Variants in RBFOX1 observed in about 807,000 individuals in gnomAD.
RBFOX1 encodes RNA binding fox-1 homolog 1.
A neutral mutation model predicts 57.7 loss-of-function variants in RBFOX1; 8 were observed. The observed-to-expected ratio is 0.14, with a 90% confidence interval of 0.08 to 0.25. RBFOX1 has a LOEUF of 0.25. Among genes scored for constraint, RBFOX1 ranks in the 10% least tolerant of loss-of-function variants. RBFOX1 has a pLI of 1.00. For synonymous variants in RBFOX1, 326 were observed against 222.4 expected (o/e 1.47, Z -4.15); for missense variants, 611 against 548.5 (o/e 1.11, Z -1.14).
chr16:7,429,925 C>G (rs985828016), intron 4 of RBFOX1, among the ~76,000 whole-genome samples: 1 of 152,138 alleles, frequency 6.6e-6, no homozygotes, highest in Non-Finnish European at 1.5e-5. Flanking sequence ...AAAATCTCTG[C>G]CTTTGTGGGA....
chr16:5,584,608 C>T (rs996994715), intron 2 of RBFOX1, among the ~76,000 whole-genome samples: 1 of 152,188 alleles, frequency 6.6e-6, no homozygotes, highest in Non-Finnish European at 1.5e-5. Flanking sequence ...GCAGCACAGG[C>T]AGGTGGGTCA....
intron 3 of RBFOX1, among the ~76,000 whole-genome samples, chr16:5,690,146 T>C (rs1190934351): frequency 6.6e-6 from 1 of 152,230 alleles, no homozygotes; most frequent in African/African-American, 2.4e-5. Context: ...TTATTTTCCC[T>C]GAAAAGGAGT....
rs1568300059 is a variant in RBFOX1 at position 6,999,213 on chromosome 16, TTTATTTTTTTTA to T, written c.-15-52841_-15-52830del. 3.5e-3 allele frequency among the ~76,000 whole-genome samples: 248 copies of T among 71,392 alleles called. No homozygotes were observed. The East Asian group carries it at 0.046, about 13-fold the overall frequency. 46.8% of individuals were successfully genotyped at this position (71,392 alleles called of 152,430 possible). ...TATTTTATTTTATTTTTTATTTTTA[TTTATTTTTTTTA>T]TTTATTTTTTTTTTTAGAGATCAGG... On this transcript the variant is annotated intron_variant, in intron 3 of 15. Transcript: ENST00000550418.
intron 2 of RBFOX1, among the ~76,000 whole-genome samples, chr16:6,321,717 T>C (rs1166231017): frequency 6.6e-6 from 1 of 152,218 alleles, no homozygotes; most frequent in Non-Finnish European, 1.5e-5. Flanking sequence ...AAGAGATAGA[T>C]AAATGCATCC....
At chr16:6,631,886 C>G (rs556218093) in intron 2 of RBFOX1, among the ~76,000 whole-genome samples, 21 of 152,172 alleles carry the variant, frequency 1.4e-4, no homozygotes, top group Admixed American at 9.2e-4. Context: ...GTAAGAAGGT[C>G]ATTGTAGCCA....
intron 4 of RBFOX1, among the ~76,000 whole-genome samples, chr16:5,899,885 G>A (rs11864716): frequency 0.055 from 8,383 of 152,188 alleles, 753 homozygotes; most frequent in African/African-American, 0.19. Flanking sequence ...ACTAGCCTGG[G>A]CAACATGGTG....
chr16:5,587,334 C>G (rs1037551002), intron 2 of RBFOX1, among the ~76,000 whole-genome samples: 4 of 152,152 alleles, frequency 2.6e-5, no homozygotes, highest in African/African-American at 9.7e-5. Context: ...AAAAGATGCT[C>G]GACATCGTCA....
At chr16:7,350,801 T>G (rs2097115000) in intron 4 of RBFOX1, among the ~76,000 whole-genome samples, 1 of 152,034 alleles carries the variant, frequency 6.6e-6, no homozygotes, top group Admixed American at 6.6e-5. Flanking sequence ...GAATGAGAGG[T>G]AGAGGACCAG....
intron 3 of RBFOX1, among the ~76,000 whole-genome samples, chr16:6,741,621 A>G (rs1603485910): frequency 2.0e-5 from 3 of 151,748 alleles, no homozygotes; most frequent in South Asian, 4.2e-4. Flanking sequence ...GTGAGCCGAG[A>G]TCATGCCACT....
intron 3 of RBFOX1, among the ~76,000 whole-genome samples, chr16:6,967,662 T>G (rs1318743067): frequency 1.3e-5 from 2 of 152,058 alleles, no homozygotes; most frequent in East Asian, 3.9e-4. Flanking sequence ...AGTAATTATA[T>G]TGCTCTTCTA....
At chr16:6,887,444 A>G (rs2064333219) in intron 3 of RBFOX1, among the ~76,000 whole-genome samples, 1 of 152,174 alleles carries the variant, frequency 6.6e-6, no homozygotes. Context: ...ATGAAAACTA[A>G]TGATCATTTT....
At chr16:6,636,658 T>A (rs1306322263) in intron 2 of RBFOX1, among the ~76,000 whole-genome samples, 1 of 150,466 alleles carries the variant, frequency 6.6e-6, no homozygotes, top group Non-Finnish European at 1.5e-5. Flanking sequence ...GCGAAATGCC[T>A]CAACCGAGCT....
chr16:5,998,832 C>T (rs934412908), intron 4 of RBFOX1, among the ~76,000 whole-genome samples: 5 of 152,174 alleles, frequency 3.3e-5, no homozygotes, highest in East Asian at 1.9e-4. Flanking sequence ...TATAAATTCA[C>T]GTGTCATATT....
At chr16:7,232,441 T>C (rs564342531) in intron 4 of RBFOX1, among the ~76,000 whole-genome samples, 1 of 152,310 alleles carries the variant, frequency 6.6e-6, no homozygotes, top group Non-Finnish European at 1.5e-5. Context: ...ACCAGGTTCC[T>C]GGCAACTATT....
intron 3 of RBFOX1, among the ~76,000 whole-genome samples, chr16:6,787,648 T>C (rs1166512292): frequency 6.6e-6 from 1 of 152,118 alleles, no homozygotes; most frequent in Non-Finnish European, 1.5e-5. Context: ...GAAGACACGT[T>C]ATTACAAGAT....
chr16:5,452,854 C>T (rs1288963167), intron 1 of RBFOX1, among the ~76,000 whole-genome samples: 1 of 151,924 alleles, frequency 6.6e-6, no homozygotes, highest in Non-Finnish European at 1.5e-5. Context: ...AGGCTGGCCT[C>T]GAGTTCCTGA....
chr16:6,308,612 A>G (rs1465904941), intron 1 of RBFOX1, among the ~76,000 whole-genome samples: 1 of 152,180 alleles, frequency 6.6e-6, no homozygotes, highest in Non-Finnish European at 1.5e-5. Context: ...TTGTAAGTAA[A>G]AGAAGCCCCT....
chr16:7,236,949 G>C (rs2093798170), intron 4 of RBFOX1, among the ~76,000 whole-genome samples: 1 of 152,168 alleles, frequency 6.6e-6, no homozygotes, highest in Non-Finnish European at 1.5e-5. Context: ...CTGTGTTGTG[G>C]TTTATAAACT....
intron 14 of RBFOX1, among the ~76,000 whole-genome samples, chr16:7,702,767 C>T (rs992176547): frequency 2.6e-4 from 40 of 152,260 alleles, no homozygotes; most frequent in African/African-American, 5.5e-4. Context: ...GCAGTTCCTC[C>T]GGATGGGCAA....
Sources: allele counts gnomAD v4.1 joint callset (sites outside exome capture counted in the v4.1 genomes callset), GRCh38; gene constraint gnomAD v4.1.1; transcripts MANE v1.5; gene names NCBI Gene and HGNC (gene_info 2026-07-23, HGNC 2026-07-21).